ANKRD28: variants seen among roughly 807,000 people sequenced by gnomAD.
The protein encoded by ANKRD28 is serine/threonine-protein phosphatase 6 regulatory ankyrin repeat subunit A.
Under a neutral mutation model 126.5 loss-of-function variants are expected in ANKRD28, and 44 were observed. That is an observed-to-expected ratio of 0.35 (90% confidence interval 0.27 to 0.45). The LOEUF (loss-of-function observed/expected upper bound fraction) is 0.45. Among genes scored for constraint, ANKRD28 ranks in the 20% least tolerant of loss-of-function variants. The pLI is 1.00. For synonymous variants in ANKRD28, 442 were observed against 468.5 expected (o/e 0.94, Z 0.73); for missense variants, 1,110 against 1,316.6 (o/e 0.84, Z 2.43).
chr3:15,745,194 G>T (rs2057395684), intron 4 of ANKRD28, among the ~76,000 whole-genome samples: 1 of 152,106 alleles, frequency 6.6e-6, no homozygotes, highest in East Asian at 1.9e-4. Flanking sequence ...TGTTAATGCT[G>T]CTGATTGTTT....
intron 3 of ANKRD28, among the ~76,000 whole-genome samples, chr3:15,753,392 A>G (rs1315660934): frequency 6.6e-6 from 1 of 152,266 alleles, no homozygotes; most frequent in Non-Finnish European, 1.5e-5. Context: ...GGAGTGACAC[A>G]GAAGCTAGCG....
In ANKRD28 at chr3:15,835,248, C is replaced by G. The variant is rs1205312000; in HGVS notation, c.27+24129G>C. ...TTCAATACACACCTCATTCCATATA[C>G]ACAAACAGTAAGCAATCTGTTCATC... On this transcript the variant is annotated intron_variant, in intron 1 of 27. Transcript: ENST00000399451. 4.6e-5 allele frequency among the ~76,000 whole-genome samples: 7 copies of G among 152,322 alleles called. No individual in the cohort carries two copies. The South Asian group carries it at 1.4e-3, about 32-fold the overall frequency.
intron 3 of ANKRD28, among the ~76,000 whole-genome samples, chr3:15,753,973 T>G (rs2058020986): frequency 6.6e-6 from 1 of 152,086 alleles, no homozygotes; most frequent in African/African-American, 2.4e-5. Flanking sequence ...CACAAAAAAC[T>G]GAGGAGACTC....
chr3:15,826,052 T>C (rs1286049670), intron 1 of ANKRD28, among the ~76,000 whole-genome samples: 2 of 152,160 alleles, frequency 1.3e-5, no homozygotes, highest in Non-Finnish European at 2.9e-5. Context: ...TGAACATGTC[T>C]ATATCCTATG....
At chr3:15,826,449 C>T (rs1406166242) in intron 1 of ANKRD28, among the ~76,000 whole-genome samples, 1 of 151,904 alleles carries the variant, frequency 6.6e-6, no homozygotes, top group Non-Finnish European at 1.5e-5. Context: ...GAAAACATAA[C>T]AGTAATATTA....
At position 15,686,112 on chromosome 3, in the gene ANKRD28, G is replaced by C. The variant is rs1442061739; in HGVS notation, c.2059C>G (p.Leu687Val). Residue 687 changes from leucine (L) to valine (V), a missense_variant, in exon 20 of 28, where the codon CTG becomes GTG. Leu to Val is a conservative substitution (Grantham distance 32). Transcript: ENST00000683139. ...DIQDGNGQTP[L>V]MLSVLNGHTD... Reference sequence around the variant, plus strand: ...TGCCCGTTGAGAACAGATAGCATCAGAGGCGTCCTGAGCAACAACAGGAAT... The same window carrying C: ...TGCCCGTTGAGAACAGATAGCATCACAGGCGTCCTGAGCAACAACAGGAAT... 4 of 1,612,614 alleles carry C rather than the reference G, an allele frequency of 2.5e-6. No individual in the cohort carries two copies. The Admixed American group carries it at 5.0e-5, about 20-fold the overall frequency.
In ANKRD28 at chr3:15,727,583, A is replaced by G. The variant is rs567787077; in HGVS notation, c.641-3059T>C. 2.5e-3 allele frequency among the ~76,000 whole-genome samples: 381 copies of G among 150,038 alleles called. 5 individuals are homozygous for G. The highest frequency in any genetic ancestry group is 0.01 in the Middle Eastern group (3 of 288). ...CTCTGTCAAAAAAAAAAAAAAAAAA[A>G]AAAAAAAGAAAGAAAGAAAGAACAT... On this transcript the variant is annotated intron_variant, in intron 6 of 27. Coordinates refer to ENST00000683139, the MANE Select transcript of ANKRD28 (RefSeq NM_001349278.2).
Position 15,817,605 on chromosome 3 carries a change from C to T in ANKRD28, c.28-22299G>A, listed in dbSNP as rs144692717. Among the ~76,000 whole-genome samples the T allele has an allele frequency of 7.2e-5, 11 of 152,144 alleles. No homozygotes were observed. The East Asian group carries it at 1.3e-3, about 19-fold the overall frequency. ...TCCTATGAGGAAAACTGGAGGGCAA[C>T]CTAGTAAATAAAATTAACTAAGATT... On this transcript the variant is annotated intron_variant, in intron 1 of 27. Transcript: ENST00000399451. The surrounding 1 kb of genome is among the most constrained non-coding windows in gnomAD (Gnocchi z 4.5).
chr3:15,829,339 CATGGTTCAAGTAT>C (rs1227965326), intron 1 of ANKRD28, among the ~76,000 whole-genome samples: 1 of 152,130 alleles, frequency 6.6e-6, no homozygotes, highest in Non-Finnish European at 1.5e-5. Context: ...AATAAGTTAT[CATGGTTCAAGTAT>C]ATGAAGAAAA....
Position 15,830,020 on chromosome 3 carries a change from T to TA in ANKRD28, c.27+29356dup, listed in dbSNP as rs1289478244. ...TGTGCAGCATATACTCATTTTATCA[T>TA]ACAGACACCCCAGGGTGAAGTGTAA... On this transcript the variant is annotated intron_variant, in intron 1 of 27. Coordinates refer to the ANKRD28 transcript ENST00000399451. This position sits in a 1 kb window ranked among gnomAD's most constrained non-coding sequence, Gnocchi z 4.5. 5.9e-5 allele frequency among the ~76,000 whole-genome samples: 9 copies of TA among 152,060 alleles called. No homozygotes were observed. The East Asian group carries it at 1.7e-3, about 29-fold the overall frequency.
intron 6 of ANKRD28, among the ~76,000 whole-genome samples, chr3:15,734,292 T>G (rs372820812): frequency 6.6e-6 from 1 of 152,230 alleles, no homozygotes; most frequent in Non-Finnish European, 1.5e-5. Flanking sequence ...GTTAATCTTT[T>G]ATTTTTAAAT....
At chr3:15,800,832 A>G (rs2060448029), upstream of ANKRD28, among the ~76,000 whole-genome samples, 1 of 152,108 alleles carries the variant, frequency 6.6e-6, no homozygotes, top group Admixed American at 6.6e-5. Flanking sequence ...TCAAAAGCAG[A>G]TAAAAAATAC....
At chr3:15,694,718 G>C in intron 17 of ANKRD28, 21 bp downstream of exon 17, 1 of 1,604,104 alleles carries the variant, frequency 6.2e-7, no homozygotes, top group South Asian at 1.1e-5. Context: ...CCATCAAGTC[G>C]GCTATGAAGG....
rs2060725887 is a variant in ANKRD28, at chr3:15,812,105, A to T, written c.28-16799T>A. ...GAGGCTGAGGTTGCAGTGAGCTGAG[A>T]TTGAGGCACTGCACTCCAGCCTGGG... On this transcript the variant is annotated intron_variant, in intron 1 of 27. Transcript: ENST00000399451. The surrounding 1 kb of genome is among the most constrained non-coding windows in gnomAD (Gnocchi z 4.1). 6.6e-6 allele frequency among the ~76,000 whole-genome samples: 1 copy of T among 152,042 alleles called. No homozygotes were observed. Among genetic ancestry groups the T allele is most frequent in the Non-Finnish European group, 1.5e-5 (1 of 67,988 alleles).
chr3:15,814,982 G>C lies in ANKRD28; in HGVS notation c.28-19676C>G, dbSNP rs1222056223. Among the ~76,000 whole-genome samples, 1 of 150,706 alleles carries C rather than the reference G, an allele frequency of 6.6e-6. No homozygotes were observed. Among genetic ancestry groups the C allele is most frequent in the Admixed American group, 6.6e-5 (1 of 15,112 alleles). On this transcript the variant is annotated intron_variant, in intron 1 of 27. Coordinates refer to the ANKRD28 transcript ENST00000399451. The surrounding 1 kb of genome is among the most constrained non-coding windows in gnomAD (Gnocchi z 4.7). Reference sequence around the variant, plus strand: ...CCATCACTCCTCATTTAACAATGTGGACCTTAAATATTCCGCAACACCCTG... The same window carrying C: ...CCATCACTCCTCATTTAACAATGTGCACCTTAAATATTCCGCAACACCCTG...
At chr3:15,710,155 C>T (rs1442375072) in intron 12 of ANKRD28, among the ~76,000 whole-genome samples, 2 of 152,070 alleles carry the variant, frequency 1.3e-5, no homozygotes, top group Non-Finnish European at 2.9e-5. Context: ...CAAGTCTCAG[C>T]CTCCTGAGTA....
intron 7 of ANKRD28, among the ~76,000 whole-genome samples, chr3:15,722,226 T>A (rs1425596382): frequency 1.3e-5 from 2 of 152,172 alleles, no homozygotes; most frequent in Non-Finnish European, 2.9e-5. Context: ...CCAGGTATCA[T>A]GTATTTGGAG....
At chr3:15,805,034 G>A (rs1559558932) in intron 1 of ANKRD28, among the ~76,000 whole-genome samples, 1 of 145,398 alleles carries the variant, frequency 6.9e-6, no homozygotes, top group African/African-American at 2.6e-5. Flanking sequence ...AGGTACTTAC[G>A]AAAACAGAGT....
rs117799618 is a variant in ANKRD28 at position 15,821,171 on chromosome 3, G to A, written c.28-25865C>T. ...CAGATATTGCCAAATGTCCCCTGGA[G>A]AACAATAACACCCCTCATTTGAGAA... On this transcript the variant is annotated intron_variant, in intron 1 of 27. Transcript: ENST00000399451. Among the ~76,000 whole-genome samples the A allele has an allele frequency of 3.8e-4, 58 of 152,236 alleles. No homozygotes were observed. In the East Asian group the frequency reaches 5.8e-3, roughly 15 times the overall value.
Sources: gnomAD v4.1 joint callset for allele counts (sites outside exome capture counted in the v4.1 genomes callset) on GRCh38, gnomAD v4.1.1 for gene constraint, Gnocchi (gnomAD v3.1) non-coding constraint, MANE v1.5 for transcripts, NCBI Gene and HGNC (gene_info 2026-07-23, HGNC 2026-07-21) for gene names.